ANK1: variants seen among roughly 807,000 people sequenced by gnomAD.
ANK1 encodes ankyrin 1.
A neutral mutation model predicts 210.4 loss-of-function variants in ANK1; 51 were observed. The observed-to-expected ratio is 0.24, with a 90% CI of 0.19 to 0.31. The LOEUF is 0.31. Among genes scored for constraint, ANK1 ranks in the 10% least tolerant of loss-of-function variants. ANK1 has a pLI of 1.00. For synonymous variants in ANK1, 967 were observed against 1,025.9 expected, an observed-to-expected ratio of 0.94 and a Z score of 1.10; for missense variants, 2,051 against 2,504.4, an observed-to-expected ratio of 0.82 and a Z score of 3.86.
intron 1 of ANK1, among the ~76,000 whole-genome samples, chr8:41,796,456 A>G (rs1416781635): frequency 6.6e-6 from 1 of 151,654 alleles, no homozygotes; most frequent in Non-Finnish European, 1.5e-5. Context: ...CCACAAGAGG[A>G]AAAAGACTCT....
At chr8:41,749,832 G>A (rs1329285421) in intron 2 of ANK1, among the ~76,000 whole-genome samples, 1 of 141,382 alleles carries the variant, frequency 7.1e-6, no homozygotes, top group African/African-American at 2.6e-5. Context: ...GGCTCGTCTC[G>A]AACTCCTGAC....
At chr8:41,804,853 A>T (rs555511068) in intron 1 of ANK1, among the ~76,000 whole-genome samples, 6 of 152,328 alleles carry the variant, frequency 3.9e-5, no homozygotes, top group South Asian at 4.1e-4. Flanking sequence ...CAGTCATTTT[A>T]AAAAGTCAGC....
At chr8:41,657,305 G>A (rs566529408) in intron 42 of ANK1, among the ~76,000 whole-genome samples, 4 of 152,300 alleles carry the variant, frequency 2.6e-5, no homozygotes, top group East Asian at 3.9e-4. Context: ...GCCTGACCTC[G>A]GTCAAGTGCC....
At chr8:41,834,406 G>A (rs113970084) in intron 1 of ANK1, among the ~76,000 whole-genome samples, 1,752 of 152,348 alleles carry the variant, frequency 0.011, 19 homozygotes, top group Non-Finnish European at 0.018. Context: ...ATGACGCGGC[G>A]CCCATGTCGG....
chr8:41,752,384 C>T (rs1407052865), intron 2 of ANK1, among the ~76,000 whole-genome samples: 1 of 152,224 alleles, frequency 6.6e-6, no homozygotes, highest in Non-Finnish European at 1.5e-5. Flanking sequence ...TTCCTCCCTG[C>T]TCTCATCAGC....
At chr8:41,667,865 C>T (rs1811051718) in intron 39 of ANK1, among the ~76,000 whole-genome samples, 2 of 152,194 alleles carry the variant, frequency 1.3e-5, no homozygotes, top group African/African-American at 2.4e-5. Flanking sequence ...GCCTTGGGCA[C>T]GTCACCCAGG....
chr8:41,746,532 C>A (rs1836181473), intron 2 of ANK1, among the ~76,000 whole-genome samples: 1 of 152,138 alleles, frequency 6.6e-6, no homozygotes, highest in African/African-American at 2.4e-5. Flanking sequence ...TCACAGTTTG[C>A]TGGATACTCA....
intron 2 of ANK1, among the ~76,000 whole-genome samples, chr8:41,739,428 C>T (rs958718264): frequency 6.6e-6 from 1 of 151,782 alleles, no homozygotes; most frequent in Non-Finnish European, 1.5e-5. Flanking sequence ...TAAAGTCCAT[C>T]TAATACTTCC....
At chr8:41,728,511 A>C (rs1415296597) in intron 3 of ANK1, among the ~76,000 whole-genome samples, 2 of 152,102 alleles carry the variant, frequency 1.3e-5, no homozygotes, top group Non-Finnish European at 2.9e-5. Context: ...TCACCACTAC[A>C]CAATGTATCC....
At position 41,715,883 on chromosome 8, in the gene ANK1, C is replaced by T. The variant is rs376209206; in HGVS notation, c.1405-34G>A. The T allele has an allele frequency of 1.9e-4, 308 of 1,613,246 alleles. 1 individual carries two copies. The highest frequency in any genetic ancestry group is 4.2e-4 in the East Asian group (19 of 44,892). Reference sequence around the variant, plus strand: ...CGAAGGGAAAACAAAGAAGAAGAAACGCTAATGTTACCAAATCCAACTTTT... The same window carrying T: ...CGAAGGGAAAACAAAGAAGAAGAAATGCTAATGTTACCAAATCCAACTTTT... On this transcript the variant is annotated intron_variant, in intron 13 of 42. Transcript: ENST00000289734.
At position 41,719,663 on chromosome 8, in the gene ANK1, G is replaced by T; in HGVS notation, c.1105C>A (p.Leu369Met). The change falls in exon 10 of 43, where the codon CTG (leucine) becomes ATG (methionine). Residue 369 changes from leucine to methionine, a missense_variant and splice_region_variant. Transcript: ENST00000289734. ...DKGAKPNSRA[L>M]NGFTPLHIAC... ...TCTCCAGCAGCACCCCCACTCACCA[G>T]GGCTCTGGAGTTGGGTTTGGCCCCT... 1.2e-6 allele frequency: 2 copies of T among 1,614,162 alleles called. No homozygotes were observed. Among genetic ancestry groups the T allele is most frequent in the Non-Finnish European group, 1.7e-6 (2 of 1,180,018 alleles).
In ANK1 at chr8:41,774,227, T is replaced by C. The variant is rs113266337; in HGVS notation, c.28-16090A>G. 9.0e-3 allele frequency among the ~76,000 whole-genome samples: 1,365 copies of C among 152,290 alleles called. 11 individuals are homozygous for C. Among genetic ancestry groups the C allele is most frequent in the Non-Finnish European group, 0.014 (961 of 68,016 alleles). ...TACATGTTTCCTGAGCAGAACATGA[T>C]GCAGTTTTGTGCCCCATGTCAACCA... is the stretch of plus-strand genomic sequence containing the variant. On this transcript the variant is annotated intron_variant, in intron 1 of 42. Coordinates refer to ENST00000289734, the MANE Select transcript of ANK1 (RefSeq NM_000037.4).
At chr8:41,727,544 C>T (rs937261269) in intron 4 of ANK1, among the ~76,000 whole-genome samples, 196 bp from the exon 5 acceptor site, 2 of 152,146 alleles carry the variant, frequency 1.3e-5, no homozygotes, top group Non-Finnish European at 2.9e-5. Context: ...GCTGTGCCTC[C>T]CCTCGCCACC....
chr8:41,807,460 C>G (rs1851132612), intron 1 of ANK1, among the ~76,000 whole-genome samples: 1 of 152,180 alleles, frequency 6.6e-6, no homozygotes, highest in African/African-American at 2.4e-5. Flanking sequence ...CCGTACTGCC[C>G]TGTCTGTCGT....
At chr8:41,825,029 T>C (rs1211614550) in intron 1 of ANK1, among the ~76,000 whole-genome samples, 2 of 152,086 alleles carry the variant, frequency 1.3e-5, no homozygotes, top group Admixed American at 1.3e-4. Flanking sequence ...ACCAACAGAG[T>C]AACCTAAAGA....
At chr8:41,709,600 T>C (rs1825609588) in intron 16 of ANK1, among the ~76,000 whole-genome samples, 2 of 152,196 alleles carry the variant, frequency 1.3e-5, no homozygotes, top group South Asian at 4.1e-4. Flanking sequence ...GTTAGGTGGA[T>C]CAAACGTGAT....
Position 41,797,060 on chromosome 8 carries a change from G to A in ANK1, c.27+452C>T, listed in dbSNP as rs1848884032. ...CCTCCGTGAGTCTTTGAGAAAACAA[G>A]CCAAAGTCCCCTTCCAAATGACAGT... is the stretch of plus-strand genomic sequence containing the variant. On this transcript the variant is annotated intron_variant, in intron 1 of 42. Transcript: ENST00000289734. The surrounding 1 kb of genome is among the most constrained non-coding windows in gnomAD (Gnocchi z 4.0). 6.6e-6 allele frequency among the ~76,000 whole-genome samples: 1 copy of A among 152,200 alleles called. No homozygotes were observed. The highest frequency in any genetic ancestry group is 2.1e-4 in the South Asian group (1 of 4,824).
intron 1 of ANK1, chr8:41,828,696 G>A (rs889528654): frequency 4.6e-5 from 7 of 153,546 alleles, no homozygotes; most frequent in Non-Finnish European, 8.8e-5. Flanking sequence ...CTGGAGAGGG[G>A]GCGCTCGTAA....
At chr8:41,894,597 G>T (rs1208999728) in intron 1 of ANK1, among the ~76,000 whole-genome samples, 2 of 152,118 alleles carry the variant, frequency 1.3e-5, no homozygotes, top group African/African-American at 4.8e-5. Context: ...AATGATATAT[G>T]GTGTCGGGAG....
Sources: allele counts gnomAD v4.1 joint callset (sites outside exome capture counted in the v4.1 genomes callset), GRCh38; gene constraint gnomAD v4.1.1; non-coding constraint Gnocchi (gnomAD v3.1); transcripts MANE v1.5; gene names NCBI Gene and HGNC (gene_info 2026-07-23, HGNC 2026-07-21).